Variants in LY86 observed in about 807,000 individuals in gnomAD.
LY86 encodes lymphocyte antigen 86, also known as MD-1, RP105-associated.
LY86 carries 20 observed loss-of-function variants against 17.3 expected under a neutral mutation model. The observed-to-expected ratio is 1.15, with a 90% confidence interval of 0.81 to 1.68. The LOEUF (loss-of-function observed/expected upper bound fraction) is 1.68. LY86 is among the 40% of genes most tolerant of loss of function. The pLI, the probability that LY86 is intolerant of heterozygous loss-of-function variation, is 0.00. For missense variants in LY86, 200 were observed against 191.9 expected (o/e 1.04, Z -0.25); for synonymous variants, 74 against 70.6 (o/e 1.05, Z -0.24).
chr6:6,596,626 C>A (rs1760722476), intron 1 of LY86, among the ~76,000 whole-genome samples: 1 of 152,072 alleles, frequency 6.6e-6, no homozygotes, highest in South Asian at 2.1e-4. Flanking sequence ...TAGGGCAAGG[C>A]CTTTTGGCCC....
chr6:6,590,767 C>G (rs1181730835), intron 1 of LY86, among the ~76,000 whole-genome samples: 1 of 152,156 alleles, frequency 6.6e-6, no homozygotes, highest in Non-Finnish European at 1.5e-5. Flanking sequence ...ATTGGCCTCA[C>G]TCTAAGCTGG....
chr6:6,592,908 C>G (rs1259850505), intron 1 of LY86, among the ~76,000 whole-genome samples: 1 of 152,170 alleles, frequency 6.6e-6, no homozygotes, highest in South Asian at 2.1e-4. Flanking sequence ...ATCATAAAGG[C>G]AGGAGAGGTT....
chr6:6,596,109 T>A (rs1171339621), intron 1 of LY86, among the ~76,000 whole-genome samples: 1 of 152,196 alleles, frequency 6.6e-6, no homozygotes. Context: ...CCAAAAAGCC[T>A]CTTAATTACA....
chr6:6,629,145 A>G (rs1009329532), intron 3 of LY86, among the ~76,000 whole-genome samples: 2 of 152,222 alleles, frequency 1.3e-5, no homozygotes, highest in Non-Finnish European at 1.5e-5. Context: ...AATGGGAGTG[A>G]TGACTGCATA....
At chr6:6,603,288 T>A (rs1760971581) in intron 1 of LY86, among the ~76,000 whole-genome samples, 1 of 152,030 alleles carries the variant, frequency 6.6e-6, no homozygotes, top group Admixed American at 6.6e-5. Context: ...CCCTGCAGTG[T>A]CCTTGTGCAC....
chr6:6,596,975 G>A (rs1486786751), intron 1 of LY86, among the ~76,000 whole-genome samples: 1 of 152,124 alleles, frequency 6.6e-6, no homozygotes, highest in Non-Finnish European at 1.5e-5. Context: ...GCTGTTCACA[G>A]CTATTTCCAT....
Position 6,588,855 on chromosome 6 carries a change from C to T in LY86, c.121C>T (p.Leu41Phe). Residue 41 changes from leucine to phenylalanine, a missense_variant, in exon 1 of 5, where the codon CTC becomes TTC. Transcript: ENST00000230568. ...VVCSDSGLEV[L>F]YQSCDPLQDF... ...CTGTAGCGACAGCGGCTTGGAAGTG[C>T]TCTACCAGAGTTGCGGTAAGCCCTT... 1.2e-6 allele frequency: 2 copies of T among 1,614,036 alleles called. No homozygotes were observed. The highest frequency in any genetic ancestry group is 1.1e-5 in the South Asian group (1 of 91,076).
At chr6:6,623,504 T>C (rs1400476152) in intron 1 of LY86, among the ~76,000 whole-genome samples, 1 of 152,160 alleles carries the variant, frequency 6.6e-6, no homozygotes, top group Non-Finnish European at 1.5e-5. Flanking sequence ...ATCTCTCTGC[T>C]ACCTTGACTG....
At chr6:6,639,770 A>G (rs1383558074) in intron 3 of LY86, among the ~76,000 whole-genome samples, 1 of 152,124 alleles carries the variant, frequency 6.6e-6, no homozygotes. Context: ...GTTGCCATAT[A>G]AGGTAACATA....
chr6:6,651,472 G>A (rs997875646), intron 4 of LY86, among the ~76,000 whole-genome samples: 1 of 152,046 alleles, frequency 6.6e-6, no homozygotes, highest in African/African-American at 2.4e-5. Flanking sequence ...AGGCCTTTCA[G>A]TAAAATACAA....
intron 4 of LY86, among the ~76,000 whole-genome samples, chr6:6,653,326 C>A (rs961271024): frequency 2.6e-5 from 4 of 152,168 alleles, no homozygotes. Flanking sequence ...AGATTAAACT[C>A]TTTCCTCCTT....
intron 1 of LY86, among the ~76,000 whole-genome samples, chr6:6,601,901 GCCT>G (rs1760924192): frequency 6.6e-6 from 1 of 152,114 alleles, no homozygotes; most frequent in Non-Finnish European, 1.5e-5. Flanking sequence ...TAGAGGTGCA[GCCT>G]CCTAATTTAT....
rs186676748 is a variant in LY86 at position 6,640,048 on chromosome 6, G to A, written c.353-9577G>A. The stretch of plus-strand genomic sequence containing the variant: ...CTTTCTGTTAGGAGATTGTATCATT[G>A]CTCCCAAGGGCTTCCCTTATTGGGC... On this transcript the variant is annotated intron_variant, in intron 3 of 4. Coordinates refer to ENST00000230568, the MANE Select transcript of LY86 (RefSeq NM_004271.4). 1.2e-4 allele frequency among the ~76,000 whole-genome samples: 18 copies of A among 152,222 alleles called. No homozygotes were observed. In the East Asian group the frequency reaches 3.5e-3, roughly 29 times the overall value.
intron 1 of LY86, among the ~76,000 whole-genome samples, chr6:6,608,496 G>A (rs1158888748): frequency 1.3e-5 from 2 of 152,104 alleles, no homozygotes; most frequent in Non-Finnish European, 2.9e-5. Context: ...GTGAATATCC[G>A]TTATTTATGT....
Position 6,654,716 on chromosome 6 carries a change from C to T in LY86, c.*89C>T, listed in dbSNP as rs1762236027. ...GAACCTACTGTGGGAGGAGAAGCAG[C>T]TGATGACAGAGAGAGGCTCTACAAA... On this transcript the variant is annotated 3_prime_UTR_variant, in exon 5 of 5. Coordinates refer to ENST00000230568, the MANE Select transcript of LY86 (RefSeq NM_004271.4). 1 of 1,132,404 alleles carries T rather than the reference C, an allele frequency of 8.8e-7. No homozygotes were observed. The highest frequency in any genetic ancestry group is 2.4e-5 in the East Asian group (1 of 42,062). The allele number at this position is 1,132,404 out of a possible 1,614,324, so 70.1% of individuals were successfully genotyped here. A position where few individuals can be genotyped will look rare whatever the true frequency, so the allele number is the denominator to read the frequency against.
At chr6:6,589,392 G>T (rs956422289) in intron 1 of LY86, among the ~76,000 whole-genome samples, 1 of 152,176 alleles carries the variant, frequency 6.6e-6, no homozygotes, top group Non-Finnish European at 1.5e-5. Flanking sequence ...CAAGCACTTC[G>T]CATGCAGCTA....
chr6:6,603,398 G>C (rs940517379), intron 1 of LY86, among the ~76,000 whole-genome samples: 1 of 151,712 alleles, frequency 6.6e-6, no homozygotes, highest in African/African-American at 2.4e-5. Flanking sequence ...TAAGGAAACT[G>C]TATGGGCAGT....
intron 1 of LY86, among the ~76,000 whole-genome samples, chr6:6,600,565 G>C (rs1220669629): frequency 6.1e-5 from 7 of 114,838 alleles, no homozygotes; most frequent in African/African-American, 1.0e-4. Context: ...ACTCCAGCCT[G>C]AGAGACAGAG....
intron 1 of LY86, among the ~76,000 whole-genome samples, chr6:6,612,030 G>A (rs906387112): frequency 6.9e-5 from 6 of 87,520 alleles, no homozygotes; most frequent in Non-Finnish European, 1.3e-4. Context: ...GTGGTCTCTT[G>A]TATTAGGAGA....
Sources: allele counts gnomAD v4.1 joint callset (sites outside exome capture counted in the v4.1 genomes callset), GRCh38; gene constraint gnomAD v4.1.1; transcripts MANE v1.5; gene names NCBI Gene and HGNC (gene_info 2026-07-23, HGNC 2026-07-21).